SUPT3H: variants seen among roughly 807,000 people sequenced by gnomAD.
SUPT3H encodes SPT3 homolog, SAGA and STAGA complex component, also known as transcription initiation protein SPT3 homolog.
In SUPT3H, 44 loss-of-function variants were observed where a neutral mutation model predicts 44.3. That is an observed-to-expected ratio of 0.99 (90% CI 0.78 to 1.28). SUPT3H has a LOEUF of 1.28. Ranked by LOEUF, SUPT3H falls within the 50% of genes most tolerant of loss-of-function variation. The probability of loss-of-function intolerance (pLI) is 0.00; values close to 1 mark genes in which losing one functional copy is unlikely to be tolerated. For synonymous variants in SUPT3H, 124 were observed against 125.6 expected (o/e 0.99, Z 0.09); for missense variants, 380 against 387.1 (o/e 0.98, Z 0.15).
chr6:45,354,825 G>A (rs200418614), intron 2 of SUPT3H, among the ~76,000 whole-genome samples: 36 of 152,130 alleles, frequency 2.4e-4, no homozygotes, highest in African/African-American at 8.7e-4. Flanking sequence ...ATAATGCTGT[G>A]TATTTATCAA....
intron 10 of SUPT3H, among the ~76,000 whole-genome samples, chr6:44,919,314 TG>T (rs998301658): frequency 3.9e-5 from 6 of 152,114 alleles, no homozygotes; most frequent in African/African-American, 1.4e-4. Flanking sequence ...AGTCAAAACC[TG>T]GTTAGATTAG....
chr6:45,267,259 C>T (rs566821113), intron 2 of SUPT3H, among the ~76,000 whole-genome samples: 1 of 152,270 alleles, frequency 6.6e-6, no homozygotes, highest in South Asian at 2.1e-4. Context: ...AGAGAATACG[C>T]ATTTTAAGAC....
intron 3 of SUPT3H, among the ~76,000 whole-genome samples, chr6:45,092,071 A>G (rs943660006): frequency 6.6e-6 from 1 of 152,068 alleles, no homozygotes; most frequent in Admixed American, 6.5e-5. Flanking sequence ...GATAACCTAT[A>G]ATTGTGTGTA....
At chr6:45,268,349 C>T (rs1224994539) in intron 2 of SUPT3H, among the ~76,000 whole-genome samples, 1 of 152,042 alleles carries the variant, frequency 6.6e-6, no homozygotes, top group Non-Finnish European at 1.5e-5. Flanking sequence ...AATATTTTTC[C>T]ACAGCTTAGC....
At chr6:44,932,587 A>G (rs1770755526) in intron 10 of SUPT3H, 66 bp downstream of exon 10, 5 of 1,143,230 alleles carry the variant, frequency 4.4e-6, no homozygotes, top group Non-Finnish European at 6.2e-6. Flanking sequence ...TCTTCATTTG[A>G]CCACTTGAAA....
intron 2 of SUPT3H, among the ~76,000 whole-genome samples, chr6:45,315,147 T>C (rs1170821838): frequency 6.6e-6 from 1 of 152,174 alleles, no homozygotes; most frequent in Non-Finnish European, 1.5e-5. Flanking sequence ...TCAAGATGGA[T>C]TAAGGACTTA....
At chr6:45,262,075 T>C (rs1774457786) in intron 2 of SUPT3H, among the ~76,000 whole-genome samples, 1 of 152,046 alleles carries the variant, frequency 6.6e-6, no homozygotes, top group Non-Finnish European at 1.5e-5. Context: ...AAATCAGCGA[T>C]GACATAAACA....
At position 45,181,610 on chromosome 6, in the gene SUPT3H, G is replaced by C. The variant is rs1337563117; in HGVS notation, c.102-75604C>G. On this transcript the variant is annotated intron_variant, in intron 2 of 10. Transcript: ENST00000371459. The stretch of plus-strand genomic sequence containing the variant: ...AAATCATCATTCTCAGTAAACCATC[G>C]CAAGGACAAAAAACCAAACACCGCA... Among the ~76,000 whole-genome samples the C allele has an allele frequency of 4.0e-5, 6 of 150,464 alleles. No homozygotes were observed. In the South Asian group the frequency reaches 8.4e-4, roughly 21 times the overall value.
intron 2 of SUPT3H, among the ~76,000 whole-genome samples, chr6:45,261,624 C>G (rs1774383553): frequency 6.6e-6 from 1 of 152,128 alleles, no homozygotes; most frequent in African/African-American, 2.4e-5. Context: ...CATCATCATA[C>G]TGGACAGGCA....
chr6:44,886,854 T>C (rs1762379198), intron 10 of SUPT3H, among the ~76,000 whole-genome samples: 1 of 152,164 alleles, frequency 6.6e-6, no homozygotes, highest in African/African-American at 2.4e-5. Flanking sequence ...CCCATCAGTG[T>C]GCTATATTCA....
chr6:45,303,671 T>TAAAAAAAAA (rs36119324), intron 2 of SUPT3H, among the ~76,000 whole-genome samples: 7 of 113,004 alleles, frequency 6.2e-5, no homozygotes, highest in East Asian at 2.4e-4. Flanking sequence ...ATTCTAGAAG[T>TAAAAAAAAA]AAAAAAAAAA....
intron 10 of SUPT3H, among the ~76,000 whole-genome samples, chr6:44,926,169 A>G (rs935688701): frequency 5.3e-5 from 8 of 152,160 alleles, no homozygotes; most frequent in Non-Finnish European, 1.0e-4. Flanking sequence ...GCATATTTTG[A>G]TATTTAGTTT....
intron 10 of SUPT3H, among the ~76,000 whole-genome samples, chr6:44,856,567 AT>A (rs1488172979): frequency 6.6e-6 from 1 of 152,070 alleles, no homozygotes; most frequent in Admixed American, 6.5e-5. Flanking sequence ...GGTTTTTTCT[AT>A]TTTTCCAATT....
At chr6:45,370,187 T>C (rs906902557) in intron 1 of SUPT3H, among the ~76,000 whole-genome samples, 8 of 152,176 alleles carry the variant, frequency 5.3e-5, no homozygotes, top group Non-Finnish European at 7.3e-5. Flanking sequence ...AGACAAGAGA[T>C]GACAGTGGGT....
At chr6:45,093,073 A>G (rs1231200079) in intron 3 of SUPT3H, among the ~76,000 whole-genome samples, 1 of 152,172 alleles carries the variant, frequency 6.6e-6, no homozygotes, top group African/African-American at 2.4e-5. Flanking sequence ...AATGTAGTAA[A>G]ATAACACCCC....
At chr6:44,852,127 C>T (rs1027318453) in intron 10 of SUPT3H, among the ~76,000 whole-genome samples, 4 of 152,112 alleles carry the variant, frequency 2.6e-5, no homozygotes, top group African/African-American at 9.7e-5. Context: ...TTTTAATTTT[C>T]ACTGTATTCT....
intron 2 of SUPT3H, among the ~76,000 whole-genome samples, chr6:45,171,829 T>C (rs1474346059): frequency 2.1e-5 from 3 of 143,184 alleles, no homozygotes; most frequent in African/African-American, 5.1e-5. Context: ...GCGATTCTCC[T>C]GCCTCAGCCT....
intron 4 of SUPT3H, among the ~76,000 whole-genome samples, chr6:45,018,921 C>A (rs375107245): frequency 1.3e-5 from 2 of 151,744 alleles, no homozygotes; most frequent in Non-Finnish European, 2.9e-5. Flanking sequence ...CAGAAGGAAT[C>A]GTACCAGTTC....
chr6:44,900,029 C>CA (rs1764716926), intron 10 of SUPT3H, among the ~76,000 whole-genome samples: 1 of 152,152 alleles, frequency 6.6e-6, no homozygotes, highest in South Asian at 2.1e-4. Context: ...AATTAGAAAA[C>CA]TATTTTAGGA....
Sources: gnomAD v4.1 joint callset for allele counts (sites outside exome capture counted in the v4.1 genomes callset) on GRCh38, gnomAD v4.1.1 for gene constraint, MANE v1.5 for transcripts, NCBI Gene and HGNC (gene_info 2026-07-23, HGNC 2026-07-21) for gene names.